LRFN2: variants seen among roughly 807,000 people sequenced by gnomAD.
LRFN2 encodes the protein leucine rich repeat and fibronectin type III domain containing 2, also known as leucine-rich repeat and fibronectin type-III domain-containing protein 2.
Under a neutral mutation model 37.3 loss-of-function variants are expected in LRFN2, and 18 were observed. The ratio of observed to expected loss-of-function variants is 0.48; its 90% CI spans 0.33 to 0.72. The LOEUF is 0.72. Ranked by LOEUF, LRFN2 falls within the 30% of genes least tolerant of loss-of-function variation. The pLI is 0.02. For missense variants in LRFN2, 1,006 were observed against 1,060.7 expected (o/e 0.95, Z 0.72); for synonymous variants, 556 against 466.6 (o/e 1.19, Z -2.47).
intron 1 of LRFN2, among the ~76,000 whole-genome samples, chr6:40,532,972 T>G (rs1229187937): frequency 4.6e-5 from 7 of 152,234 alleles, no homozygotes. Context: ...AGTGACAGGC[T>G]GCCTGTGGTT....
intron 1 of LRFN2, among the ~76,000 whole-genome samples, chr6:40,435,262 G>A (rs1200252894): frequency 6.6e-6 from 1 of 150,892 alleles, no homozygotes; most frequent in Admixed American, 6.6e-5. Context: ...CTGGGCTCAA[G>A]TGATTCTCCC....
At position 40,432,475 on chromosome 6, in the gene LRFN2, G is replaced by A. The variant is rs1342385543; in HGVS notation, c.639C>T (p.Pro213=). Residue 213 remains proline, a synonymous_variant, in exon 2 of 3, where the codon CCC becomes CCT. Transcript: ENST00000338305. ...GGGAGCGGGCAAAGATGGGATCAGGGGGCAGCTTCTGCAGCCGATTGGAGG... is the reference window on the plus strand; with the variant it reads ...GGGAGCGGGCAAAGATGGGATCAGGAGGCAGCTTCTGCAGCCGATTGGAGG... ...DLTSNRLQKL[P]PDPIFARSQA... 1 of 1,614,220 alleles carries A rather than the reference G, an allele frequency of 6.2e-7. No individual in the cohort carries two copies. Among genetic ancestry groups the A allele is most frequent in the Non-Finnish European group, 8.5e-7 (1 of 1,180,042 alleles).
chr6:40,532,839 A>T (rs530860490), intron 1 of LRFN2, among the ~76,000 whole-genome samples: 2 of 152,362 alleles, frequency 1.3e-5, no homozygotes, highest in South Asian at 4.1e-4. Context: ...TTGAGCCCCC[A>T]GCAGGTGGGT....
intron 1 of LRFN2, among the ~76,000 whole-genome samples, chr6:40,440,317 T>A (rs961595815): frequency 6.6e-6 from 1 of 152,206 alleles, no homozygotes; most frequent in Non-Finnish European, 1.5e-5. Context: ...CGTGATAGCT[T>A]TTATTGTGTT....
intron 1 of LRFN2, among the ~76,000 whole-genome samples, chr6:40,585,667 C>A (rs1198510708): frequency 6.6e-6 from 1 of 152,154 alleles, no homozygotes; most frequent in Non-Finnish European, 1.5e-5. Flanking sequence ...AACCTCTAGC[C>A]CTGGCCCCTG....
At chr6:40,585,701 G>A (rs185507986) in intron 1 of LRFN2, among the ~76,000 whole-genome samples, 130 of 152,152 alleles carry the variant, frequency 8.5e-4, no homozygotes, top group Middle Eastern at 3.4e-3. Flanking sequence ...CCAGGGAATG[G>A]CAGTTTCCTC....
rs1278898564 is a variant in LRFN2, at chr6:40,392,638, C to T, written c.1675G>A (p.Val559Ile). Residue 559 changes from valine (V) to isoleucine (I), a missense_variant, in exon 3 of 3, where the codon GTC becomes ATC. Transcript: ENST00000338305. The surrounding 1 kb of genome is among the most constrained non-coding windows in gnomAD (Gnocchi z 4.7). ...FIVILMVRYK[V>I]CNHEAPSKMA... is the part of the protein sequence containing the mutation. ...TTGCTGGGGGCCTCGTGGTTGCAGA[C>T]CTTGTAGCGCACCATGAGGATGACG... The T allele has an allele frequency of 1.9e-6, 3 of 1,612,276 alleles. No individual in the cohort carries two copies. The highest frequency in any genetic ancestry group is 2.7e-5 in the African/African-American group (2 of 74,944).
chr6:40,425,365 T>A (rs1174659677), intron 2 of LRFN2, among the ~76,000 whole-genome samples: 1 of 152,214 alleles, frequency 6.6e-6, no homozygotes, highest in Non-Finnish European at 1.5e-5. Context: ...CTGGGGATCA[T>A]TCCAACATCA....
intron 1 of LRFN2, among the ~76,000 whole-genome samples, chr6:40,498,080 C>T (rs1046695755): frequency 6.6e-5 from 10 of 152,080 alleles, no homozygotes; most frequent in African/African-American, 9.7e-5. Flanking sequence ...GACAAGGTCT[C>T]GGCTGTCTGG....
In LRFN2 at chr6:40,431,790, C is replaced by G. The variant is rs1276425306; in HGVS notation, c.1324G>C (p.Val442Leu). ...TTCACCCGGGGTGCTGACTTGCTGACAGACCACTTGACCAGGGCCGAGGTG... is the reference window on the plus strand; with the variant it reads ...TTCACCCGGGGTGCTGACTTGCTGAGAGACCACTTGACCAGGGCCGAGGTG... ...TTTSALVKWS[V>L]SKSAPRVKMY... The change falls in exon 2 of 3, where the codon GTC (valine) becomes CTC (leucine). Residue 442 changes from valine (V) to leucine (L), a missense_variant. Val to Leu is a conservative substitution (Grantham distance 32). This residue lies in a region of LRFN2 where 120 missense variants were observed against 178.4 expected (regional missense o/e 0.67). Coordinates refer to ENST00000338305, the MANE Select transcript of LRFN2 (RefSeq NM_020737.3). The G allele has an allele frequency of 9.8e-6, 15 of 1,538,020 alleles. No individual in the cohort carries two copies. Among genetic ancestry groups the G allele is most frequent in the Non-Finnish European group, 1.3e-5 (15 of 1,141,920 alleles).
At chr6:40,415,352 A>G (rs567045932) in intron 2 of LRFN2, among the ~76,000 whole-genome samples, 6 of 152,116 alleles carry the variant, frequency 3.9e-5, no homozygotes, top group African/African-American at 1.4e-4. Context: ...CAGCCCCCCA[A>G]GTACCTGGAA....
At chr6:40,541,005 G>T (rs920588606) in intron 1 of LRFN2, among the ~76,000 whole-genome samples, 33 of 152,222 alleles carry the variant, frequency 2.2e-4, no homozygotes, top group African/African-American at 8.0e-4. Flanking sequence ...ATGCTGTTAT[G>T]CTGTGGCCCC....
At chr6:40,431,645 G>C (rs544704694) in intron 2 of LRFN2, 69 bp downstream of exon 2, 1 of 1,377,704 alleles carries the variant, frequency 7.3e-7, no homozygotes, top group African/African-American at 1.4e-5. Context: ...GCAGCCCCAA[G>C]ACCTCCCCAT....
intron 1 of LRFN2, among the ~76,000 whole-genome samples, chr6:40,534,427 C>T (rs986899143): frequency 1.3e-5 from 2 of 152,042 alleles, no homozygotes; most frequent in Admixed American, 1.3e-4. Flanking sequence ...ACTGCTGATC[C>T]ATGGACTAGC....
At chr6:40,429,781 C>A (rs948055536) in intron 2 of LRFN2, among the ~76,000 whole-genome samples, 4 of 152,036 alleles carry the variant, frequency 2.6e-5, no homozygotes, top group Non-Finnish European at 4.4e-5. Flanking sequence ...AAATGAGAAA[C>A]CACCTGAATG....
intron 1 of LRFN2, among the ~76,000 whole-genome samples, chr6:40,481,574 T>C (rs77709169): frequency 6.6e-6 from 1 of 152,182 alleles, no homozygotes. Context: ...TTGAATTTGC[T>C]TATTTTTCTT....
intron 2 of LRFN2, among the ~76,000 whole-genome samples, chr6:40,406,386 G>C (rs1762848374): frequency 6.6e-6 from 1 of 152,186 alleles, no homozygotes; most frequent in Non-Finnish European, 1.5e-5. Context: ...CTGAGGTCTG[G>C]CAGTCTGTTT....
At chr6:40,434,558 C>T (rs1184953372) in intron 1 of LRFN2, among the ~76,000 whole-genome samples, 1 of 151,330 alleles carries the variant, frequency 6.6e-6, no homozygotes, top group Non-Finnish European at 1.5e-5. Context: ...CTCACTGCAA[C>T]CTCTGCCTCT....
intron 1 of LRFN2, among the ~76,000 whole-genome samples, chr6:40,520,334 G>A (rs1766023260): frequency 6.6e-6 from 1 of 152,108 alleles, no homozygotes; most frequent in South Asian, 2.1e-4. Flanking sequence ...TGTAGAAGGA[G>A]GTGCAGGGAG....
Sources: gnomAD v4.1 joint callset for allele counts (sites outside exome capture counted in the v4.1 genomes callset) on GRCh38, gnomAD v4.1.1 for gene constraint, gnomAD v4.1.1 regional missense constraint, Gnocchi (gnomAD v3.1) non-coding constraint, MANE v1.5 for transcripts, NCBI Gene and HGNC (gene_info 2026-07-23, HGNC 2026-07-21) for gene names.